The following MAP3K8 variants were observed in gnomAD, a reference collection of about 807,000 sequenced individuals.
MAP3K8 encodes mitogen-activated protein kinase kinase kinase 8.
A neutral mutation model predicts 45.8 loss-of-function variants in MAP3K8; 22 were observed. That is an observed-to-expected ratio of 0.48 (90% CI 0.34 to 0.69). The LOEUF (loss-of-function observed/expected upper bound fraction) is 0.69. Ranked by LOEUF, MAP3K8 falls within the 30% of genes least tolerant of loss-of-function variation. The probability of loss-of-function intolerance (pLI) is 0.01; values close to 1 mark genes in which losing one functional copy is unlikely to be tolerated. For synonymous variants in MAP3K8, 223 were observed against 214.3 expected, an observed-to-expected ratio of 1.04 and a Z score of -0.36; for missense variants, 419 against 585.0, an observed-to-expected ratio of 0.72 and a Z score of 2.93.
At chr10:30,453,105 C>T (rs1018760095) in intron 6 of MAP3K8, among the ~76,000 whole-genome samples, 1 of 152,140 alleles carries the variant, frequency 6.6e-6, no homozygotes, top group African/African-American at 2.4e-5. Context: ...TCTTATTTTA[C>T]AATCAAGGAA....
At chr10:30,454,981 C>T (rs1836688055) in intron 6 of MAP3K8, among the ~76,000 whole-genome samples, 1 of 152,100 alleles carries the variant, frequency 6.6e-6, no homozygotes, top group South Asian at 2.1e-4. Flanking sequence ...TTTTCTCTTC[C>T]TGGCAATGTG....
In MAP3K8 at chr10:30,461,615, TA is replaced by T. The variant is rs536360553; in HGVS notation, c.*782del. On this transcript the variant is annotated 3_prime_UTR_variant, in exon 9 of 9. Transcript: ENST00000263056. ...TTGATGATTTTGTAATTCTTATGAC[TA>T]AATTTTCTTTTAAGCATTTGTATAT... The T allele has an allele frequency of 5.8e-4, 109 of 188,438 alleles. No individual in the cohort carries two copies. Among genetic ancestry groups the T allele is most frequent in the African/African-American group, 2.4e-3 (102 of 42,942 alleles). 11.7% of individuals were successfully genotyped at this position (188,438 alleles called of 1,614,324 possible). A position where few individuals can be genotyped will look rare whatever the true frequency, so the allele number is the denominator to read the frequency against.
intron 6 of MAP3K8, among the ~76,000 whole-genome samples, chr10:30,456,596 C>A (rs1374275565): frequency 6.6e-6 from 1 of 152,198 alleles, no homozygotes; most frequent in Non-Finnish European, 1.5e-5. Flanking sequence ...AAGCGAAATA[C>A]TGATAATCAG....
intron 3 of MAP3K8, 158 bp downstream of exon 3, chr10:30,439,432 C>CAA: frequency 7.9e-6 from 9 of 1,132,450 alleles, no homozygotes; most frequent in South Asian, 2.3e-5. Flanking sequence ...GTTAAAGATG[C>CAA]AAAAAAAAAA....
At chr10:30,436,448 C>T (rs1416932647) in intron 1 of MAP3K8, among the ~76,000 whole-genome samples, 1 of 152,116 alleles carries the variant, frequency 6.6e-6, no homozygotes, top group Non-Finnish European at 1.5e-5. Flanking sequence ...GACACTCCTC[C>T]ACCTCCCGGG....
chr10:30,441,851 C>T (rs1351980834), intron 3 of MAP3K8, among the ~76,000 whole-genome samples: 1 of 152,172 alleles, frequency 6.6e-6, no homozygotes, highest in Non-Finnish European at 1.5e-5. Context: ...TCCCTTTCAT[C>T]CTCACGTGGA....
At chr10:30,454,268 G>C (rs2480299) in intron 6 of MAP3K8, among the ~76,000 whole-genome samples, 1 of 151,926 alleles carries the variant, frequency 6.6e-6, no homozygotes, top group African/African-American at 2.4e-5. Context: ...CCTTAGTCTA[G>C]TCTAGCTAGT....
chr10:30,435,110 T>C (rs983362497), intron 1 of MAP3K8, among the ~76,000 whole-genome samples: 2 of 152,204 alleles, frequency 1.3e-5, no homozygotes, highest in African/African-American at 4.8e-5. Flanking sequence ...ATTGTCTCCA[T>C]AGTTAACAGG....
Position 30,439,166 on chromosome 10 carries a change from C to T in MAP3K8, c.228C>T (p.Val76=). 6.2e-7 allele frequency: 1 copy of T among 1,614,210 alleles called. No individual in the cohort carries two copies. Among genetic ancestry groups the T allele is most frequent in the Non-Finnish European group, 8.5e-7 (1 of 1,180,038 alleles). The change falls in exon 3 of 9, where the codon GTC becomes GTT. Residue 76 remains valine (V), a synonymous_variant. Transcript: ENST00000263056. ...SGQEVPWLSS[V]RYGTVEDLLA... ...AAGAGGTACCATGGTTGTCATCAGT[C>T]AGATATGGAACTGTGGAGGATTTGC...
chr10:30,451,859 A>T (rs749426648), intron 6 of MAP3K8, 115 bp downstream of exon 6: 15 of 543,750 alleles, frequency 2.8e-5, no homozygotes, highest in Admixed American at 1.3e-4. Flanking sequence ...CACTGCATTA[A>T]ATCATTATTT....
intron 6 of MAP3K8, among the ~76,000 whole-genome samples, chr10:30,457,750 A>G (rs138686795): frequency 6.6e-6 from 1 of 152,222 alleles, no homozygotes; most frequent in African/African-American, 2.4e-5. Context: ...AGCTCAAGCG[A>G]TTCTCCTTGC....
chr10:30,455,642 T>C (rs1836707154), intron 6 of MAP3K8, among the ~76,000 whole-genome samples: 1 of 152,200 alleles, frequency 6.6e-6, no homozygotes, highest in Non-Finnish European at 1.5e-5. Context: ...GTCTGCTTGG[T>C]TTTACCTTTG....
At chr10:30,454,115 G>A (rs976341203) in intron 6 of MAP3K8, among the ~76,000 whole-genome samples, 1 of 152,060 alleles carries the variant, frequency 6.6e-6, no homozygotes, top group Non-Finnish European at 1.5e-5. Flanking sequence ...CACCACTACC[G>A]GGGGAAGCTG....
intron 2 of MAP3K8, 132 bp downstream of exon 2, chr10:30,437,538 G>A (rs1835954394): frequency 6.5e-6 from 1 of 152,840 alleles, no homozygotes; most frequent in South Asian, 2.1e-4. Flanking sequence ...ACTCCAAGCA[G>A]TCTGAGACCA....
chr10:30,436,071 G>A (rs1445144367), intron 1 of MAP3K8, among the ~76,000 whole-genome samples: 1 of 152,168 alleles, frequency 6.6e-6, no homozygotes, highest in African/African-American at 2.4e-5. Flanking sequence ...AATTTTGACT[G>A]TATTTGCACA....
At chr10:30,459,570 GT>G in intron 8 of MAP3K8, 69 bp downstream of exon 8, 1 of 1,564,470 alleles carries the variant, frequency 6.4e-7, no homozygotes, top group East Asian at 2.3e-5. Flanking sequence ...AACCTCTGAT[GT>G]AGTTCATGAA....
At chr10:30,453,459 C>T (rs598672) in intron 6 of MAP3K8, among the ~76,000 whole-genome samples, 90,636 of 151,956 alleles carry the variant, frequency 0.6, 28,549 homozygotes, top group Non-Finnish European at 0.71. Context: ...AAGCAAAAAA[C>T]GACCCAGAAA....
chr10:30,438,765 C>T (rs1835994934), intron 2 of MAP3K8, 151 bp from the exon 3 acceptor site: 1 of 568,586 alleles, frequency 1.8e-6, no homozygotes. Flanking sequence ...GCACTGTCAA[C>T]TTGAATTCAT....
At chr10:30,443,434 C>G (rs547080884) in intron 3 of MAP3K8, among the ~76,000 whole-genome samples, 8 of 152,324 alleles carry the variant, frequency 5.3e-5, no homozygotes, top group African/African-American at 1.9e-4. Context: ...GCATGTTCCC[C>G]AGATCTTGTC....
Sources: gnomAD v4.1 joint callset for allele counts (sites outside exome capture counted in the v4.1 genomes callset) on GRCh38, gnomAD v4.1.1 for gene constraint, MANE v1.5 for transcripts, NCBI Gene and HGNC (gene_info 2026-07-23, HGNC 2026-07-21) for gene names.